CALB2: variants seen among roughly 807,000 people sequenced by gnomAD.
CALB2 encodes the protein calbindin 2, also known as calretinin.
Under a neutral mutation model 45.9 loss-of-function variants are expected in CALB2, and 34 were observed. The observed-to-expected ratio is 0.74, with a 90% CI of 0.56 to 0.99. The LOEUF is 0.99. Among genes scored for constraint, CALB2 ranks in the 50% least tolerant of loss-of-function variants. CALB2 has a pLI of 0.00. For missense variants in CALB2, 344 were observed against 339.3 expected (o/e 1.01, Z -0.11); for synonymous variants, 142 against 129.6 (o/e 1.10, Z -0.65).
intron 3 of CALB2, among the ~76,000 whole-genome samples, chr16:71,376,716 C>T (rs2042419568): frequency 7.0e-6 from 1 of 143,650 alleles, no homozygotes; most frequent in Non-Finnish European, 1.6e-5. Flanking sequence ...CACCCACATA[C>T]AACCACATAC....
At chr16:71,364,879 A>G (rs1481855183) in intron 1 of CALB2, among the ~76,000 whole-genome samples, 2 of 152,180 alleles carry the variant, frequency 1.3e-5, no homozygotes, top group African/African-American at 4.8e-5. Flanking sequence ...ATGGACAGAC[A>G]TTGTCCCTGG....
At chr16:71,372,455 G>A (rs1395529015) in intron 2 of CALB2, among the ~76,000 whole-genome samples, 2 of 152,264 alleles carry the variant, frequency 1.3e-5, no homozygotes, top group East Asian at 1.9e-4. Context: ...AGGGGTTGAT[G>A]AATCCTCCTG....
chr16:71,388,396 G>T (rs1442413147), intron 10 of CALB2, among the ~76,000 whole-genome samples: 1 of 151,800 alleles, frequency 6.6e-6, no homozygotes, highest in Non-Finnish European at 1.5e-5. Context: ...GGGATAGAGT[G>T]GGGGAGAAGG....
At position 71,377,083 on chromosome 16, in the gene CALB2, G is replaced by C. The variant is rs546225065; in HGVS notation, c.262-584G>C. On this transcript the variant is annotated intron_variant, in intron 3 of 10. Coordinates refer to ENST00000302628, the MANE Select transcript of CALB2 (RefSeq NM_001740.5). ...CACAAGAGTTCCAGGAGCAAAAAAG[G>C]GGGTAAGGGCGGTTGGGTGGGCAGC... Among the ~76,000 whole-genome samples the C allele has an allele frequency of 1.1e-4, 17 of 152,296 alleles. No individual in the cohort carries two copies. The East Asian group carries it at 3.3e-3, about 29-fold the overall frequency.
In CALB2 at chr16:71,390,138, G is replaced by A. The variant is rs545899857; in HGVS notation, c.*273G>A. 5.9e-5 allele frequency: 23 copies of A among 392,192 alleles called. No individual in the cohort carries two copies. Among genetic ancestry groups the A allele is most frequent in the Admixed American group, 1.2e-4 (3 of 25,232 alleles). 24.3% of individuals were successfully genotyped at this position (392,192 alleles called of 1,614,324 possible). A position where few individuals can be genotyped will look rare whatever the true frequency, so the allele number is the denominator to read the frequency against. Reference sequence around the variant, plus strand: ...GGGTGGAGGGTCCCTAATTCTCTTCGCTGTGATGCATGAGCTCCCTCGCTG... The same window carrying A: ...GGGTGGAGGGTCCCTAATTCTCTTCACTGTGATGCATGAGCTCCCTCGCTG... On this transcript the variant is annotated 3_prime_UTR_variant, in exon 11 of 11. Coordinates refer to ENST00000302628, the MANE Select transcript of CALB2 (RefSeq NM_001740.5).
chr16:71,383,922 CAG>C, intron 6 of CALB2, 46 bp from the exon 7 acceptor site: 1 of 1,603,360 alleles, frequency 6.2e-7, no homozygotes, highest in Non-Finnish European at 8.5e-7. Flanking sequence ...GATGTCAGGT[CAG>C]AGAAATTCAC....
chr16:71,375,944 C>T (rs1185552638), intron 3 of CALB2, among the ~76,000 whole-genome samples: 2 of 152,178 alleles, frequency 1.3e-5, no homozygotes, highest in Non-Finnish European at 2.9e-5. Context: ...TGGCTGAGGG[C>T]AGTTCTTGTG....
intron 5 of CALB2, among the ~76,000 whole-genome samples, chr16:71,383,001 C>G (rs935621395): frequency 2.0e-5 from 3 of 152,172 alleles, no homozygotes; most frequent in Non-Finnish European, 4.4e-5. Flanking sequence ...CACCTCCATG[C>G]TCGGGACAGG....
At chr16:71,386,645 C>T (rs929632565) in intron 10 of CALB2, among the ~76,000 whole-genome samples, 23 of 152,304 alleles carry the variant, frequency 1.5e-4, no homozygotes, top group African/African-American at 4.8e-4. Flanking sequence ...CTTCGTTCAC[C>T]GCCTGGAAAA....
intron 1 of CALB2, among the ~76,000 whole-genome samples, chr16:71,366,440 C>G (rs939226525): frequency 6.7e-6 from 1 of 150,312 alleles, no homozygotes; most frequent in Non-Finnish European, 1.5e-5. Flanking sequence ...AAGCAATTCT[C>G]GTGCCTCAGC....
At chr16:71,368,719 T>TGGGTTCATTTCCCCCA (rs975737252) in intron 1 of CALB2, among the ~76,000 whole-genome samples, 3 of 152,022 alleles carry the variant, frequency 2.0e-5, no homozygotes, top group Admixed American at 2.0e-4. Context: ...AGATTATGTG[T>TGGGTTCATTTCCCCCA]GGGTTCATTT....
intron 10 of CALB2, among the ~76,000 whole-genome samples, chr16:71,388,429 G>C (rs1053207589): frequency 4.6e-5 from 7 of 152,008 alleles, no homozygotes; most frequent in African/African-American, 1.7e-4. Flanking sequence ...GGTTGTTTAA[G>C]TCATTTTCCA....
intron 1 of CALB2, among the ~76,000 whole-genome samples, chr16:71,371,694 A>T (rs1359317317): frequency 6.6e-6 from 1 of 152,080 alleles, no homozygotes; most frequent in South Asian, 2.1e-4. Flanking sequence ...AGTATGACTC[A>T]TCTTAACTAA....
chr16:71,382,848 G>A (rs904946577), intron 5 of CALB2, 73 bp downstream of exon 5: 12 of 1,342,544 alleles, frequency 8.9e-6, no homozygotes, highest in African/African-American at 1.5e-5. Flanking sequence ...GGGAGGAGAT[G>A]TTGGATGAGG....
chr16:71,382,813 G>T, intron 5 of CALB2, 38 bp downstream of exon 5: 7 of 1,578,390 alleles, frequency 4.4e-6, no homozygotes, highest in Non-Finnish European at 6.0e-6. Flanking sequence ...GGCCAGAGTG[G>T]CGGTGGGCTT....
chr16:71,384,406 C>T, intron 8 of CALB2, 28 bp downstream of exon 8: 1 of 1,543,394 alleles, frequency 6.5e-7, no homozygotes, highest in African/African-American at 1.5e-5. Context: ...TTCCTTCCCC[C>T]TTCCCTCATC....
At chr16:71,382,406 T>C (rs771283995) in intron 4 of CALB2, among the ~76,000 whole-genome samples, 8 of 152,190 alleles carry the variant, frequency 5.3e-5, no homozygotes, top group Admixed American at 2.0e-4. Context: ...TGCTGTATAA[T>C]AAACTGCCCC....
At chr16:71,377,417 T>C (rs2042429018) in intron 3 of CALB2, among the ~76,000 whole-genome samples, 1 of 152,182 alleles carries the variant, frequency 6.6e-6, no homozygotes, top group Admixed American at 6.5e-5. Context: ...TGCTTGCATT[T>C]TAAAGCAGCA....
In CALB2 at chr16:71,390,206, C is replaced by T. The variant is rs897614657; in HGVS notation, c.*341C>T. On this transcript the variant is annotated 3_prime_UTR_variant, in exon 11 of 11. Transcript: ENST00000302628. ...TGTCCAACAGAGTGGACTCTTCCCTCTCGCTCCCCTCTGCCGGTCCCCCAT... is the reference window on the plus strand; with the variant it reads ...TGTCCAACAGAGTGGACTCTTCCCTTTCGCTCCCCTCTGCCGGTCCCCCAT... The T allele has an allele frequency of 9.0e-5, 18 of 199,338 alleles. No homozygotes were observed. Among genetic ancestry groups the T allele is most frequent in the Admixed American group, 5.9e-4 (11 of 18,576 alleles). The allele number at this position is 199,338 out of a possible 1,614,324, so 12.3% of individuals were successfully genotyped here.
Sources: gnomAD v4.1 joint callset for allele counts (sites outside exome capture counted in the v4.1 genomes callset) on GRCh38, gnomAD v4.1.1 for gene constraint, MANE v1.5 for transcripts, NCBI Gene and HGNC (gene_info 2026-07-23, HGNC 2026-07-21) for gene names.